Variants in CFI observed in about 807,000 individuals in gnomAD.
CFI encodes the protein C3B/C4B inactivator.
A neutral mutation model predicts 78.8 loss-of-function variants in CFI; 66 were observed. The observed-to-expected ratio is 0.84, with a 90% CI of 0.69 to 1.03. The LOEUF is 1.03. CFI is among the 50% of genes least tolerant of loss of function. CFI has a pLI of 0.00. For synonymous variants in CFI, 250 were observed against 232.6 expected, an observed-to-expected ratio of 1.07 and a Z score of -0.68; for missense variants, 706 against 704.5, an observed-to-expected ratio of 1.00 and a Z score of -0.02.
intron 6 of CFI, among the ~76,000 whole-genome samples, chr4:109,759,228 C>T (rs1212698041): frequency 6.7e-6 from 1 of 149,406 alleles, no homozygotes; most frequent in Admixed American, 6.7e-5. Context: ...TAGACGTATA[C>T]TATAGGCAAA....
At chr4:109,759,152 G>T (rs1397006270) in intron 6 of CFI, among the ~76,000 whole-genome samples, 2 of 151,776 alleles carry the variant, frequency 1.3e-5, no homozygotes, top group Non-Finnish European at 2.9e-5. Context: ...TTAAAAAAAA[G>T]TGTTCATTTG....
chr4:109,732,517 C>G, the CFI span, among the ~76,000 whole-genome samples: 1 of 152,168 alleles, frequency 6.6e-6, no homozygotes, highest in African/African-American at 2.4e-5. Flanking sequence ...ATTTGTAGGG[C>G]TCAGTGCAAA....
At chr4:109,773,882 T>C (rs1186339297) in intron 1 of CFI, among the ~76,000 whole-genome samples, 1 of 152,188 alleles carries the variant, frequency 6.6e-6, no homozygotes, top group Non-Finnish European at 1.5e-5. Context: ...CTGGGACAGA[T>C]CTTGGATTCT....
At chr4:109,760,411 T>C in intron 5 of CFI, 31 bp from the exon 6 acceptor site, 2 of 1,578,770 alleles carry the variant, frequency 1.3e-6, no homozygotes, top group Non-Finnish European at 1.7e-6. Context: ...GAGGTTTTTT[T>C]CATTCCTTAA....
intron 1 of CFI, among the ~76,000 whole-genome samples, chr4:109,771,644 G>A (rs1219454949): frequency 1.3e-5 from 2 of 149,494 alleles, no homozygotes; most frequent in African/African-American, 4.9e-5. Context: ...AACCAAGGAG[G>A]TGGAGGTTGC....
Position 109,753,163 on chromosome 4 carries a change from T to C in CFI, c.905-660A>G, listed in dbSNP as rs867071575. Among the ~76,000 whole-genome samples the C allele has an allele frequency of 4.6e-3, 91 of 19,960 alleles. 4 individuals are homozygous for C. The highest frequency in any genetic ancestry group is 0.017 in the South Asian group (3 of 174). 13.1% of individuals were successfully genotyped at this position (19,960 alleles called of 152,430 possible). A position where few individuals can be genotyped will look rare whatever the true frequency, so the allele number is the denominator to read the frequency against. On this transcript the variant is annotated intron_variant, in intron 7 of 12. Coordinates refer to ENST00000394634, the MANE Select transcript of CFI (RefSeq NM_000204.5). Reference sequence around the variant, plus strand: ...TTATAATATATATTTATTATATAAATAAATATTTATAATATATTTATTATA... The same window carrying C: ...TTATAATATATATTTATTATATAAACAAATATTTATAATATATTTATTATA...
intron 1 of CFI, among the ~76,000 whole-genome samples, chr4:109,774,065 G>C (rs1319965227): frequency 6.6e-6 from 1 of 152,178 alleles, no homozygotes. Context: ...TATTTAGAAA[G>C]TAGTAAGAAA....
At chr4:109,763,552 A>G (rs1328922620) in intron 3 of CFI, among the ~76,000 whole-genome samples, 1 of 152,130 alleles carries the variant, frequency 6.6e-6, no homozygotes, top group African/African-American at 2.4e-5. Flanking sequence ...CAGTGATTGT[A>G]ATATTGAATT....
chr4:109,767,322 A>G (rs1294617372), intron 1 of CFI, among the ~76,000 whole-genome samples: 1 of 152,138 alleles, frequency 6.6e-6, no homozygotes, highest in East Asian at 1.9e-4. Flanking sequence ...AGCAAAAGAA[A>G]CCACCATCAG....
At chr4:109,781,135 T>C (rs1198429234) in intron 1 of CFI, among the ~76,000 whole-genome samples, 1 of 152,056 alleles carries the variant, frequency 6.6e-6, no homozygotes, top group African/African-American at 2.4e-5. Context: ...AGCCTAGAAC[T>C]TAAAGTATAA....
At chr4:109,798,186 G>A (rs1386520528) in intron 1 of CFI, among the ~76,000 whole-genome samples, 3 of 152,002 alleles carry the variant, frequency 2.0e-5, no homozygotes, top group African/African-American at 7.2e-5. Flanking sequence ...TGGGTGAGGG[G>A]GAAACAGGGA....
chr4:109,799,979 T>G (rs1169621677), intron 1 of CFI, among the ~76,000 whole-genome samples: 1 of 152,232 alleles, frequency 6.6e-6, no homozygotes, highest in African/African-American at 2.4e-5. Flanking sequence ...GCTATAAACC[T>G]TTGACTGTTT....
chr4:109,738,262 GCAC>G (rs1320262551), downstream of CFI, among the ~76,000 whole-genome samples: 1 of 151,890 alleles, frequency 6.6e-6, no homozygotes, highest in African/African-American at 2.4e-5. Flanking sequence ...CTGCAGATGT[GCAC>G]CACCACTCCC....
At chr4:109,745,769 T>C (rs1724332912) in intron 11 of CFI, among the ~76,000 whole-genome samples, 1 of 152,060 alleles carries the variant, frequency 6.6e-6, no homozygotes, top group East Asian at 1.9e-4. Context: ...CTTTTTATCT[T>C]TTACCCACAT....
intron 1 of CFI, among the ~76,000 whole-genome samples, chr4:109,780,849 G>A (rs991695289): frequency 2.0e-5 from 3 of 152,118 alleles, no homozygotes; most frequent in Admixed American, 1.3e-4. Context: ...CCTTTGTAGG[G>A]ACATGGATGA....
chr4:109,760,548 G>C lies in CFI; in HGVS notation c.747C>G (p.Asp249Glu). 6.2e-7 allele frequency: 1 copy of C among 1,600,770 alleles called. No individual in the cohort carries two copies. Among genetic ancestry groups the C allele is most frequent in the Non-Finnish European group, 8.6e-7 (1 of 1,167,988 alleles). Residue 249 changes from aspartate (D) to glutamate (E), a missense_variant, in exon 5 of 13, where the codon GAC (aspartate) becomes GAG (glutamate). Asp to Glu is a conservative substitution (Grantham distance 45, BLOSUM62 2). Coordinates refer to ENST00000394634, the MANE Select transcript of CFI (RefSeq NM_000204.5). ...CTTTACAACACAGTTCATCACTTTG[G>C]TCTCCACAATCATTGATACCATCAC... ...KACDGINDCG[D>E]QSDELCCKAC...
intron 8 of CFI, among the ~76,000 whole-genome samples, chr4:109,751,310 A>G (rs1725101977): frequency 6.6e-6 from 1 of 152,062 alleles, no homozygotes; most frequent in Admixed American, 6.6e-5. Context: ...AGGAAGAGGG[A>G]TCTCATGCTC....
chr4:109,778,250 A>C (rs1237453594), intron 1 of CFI, among the ~76,000 whole-genome samples: 2 of 152,186 alleles, frequency 1.3e-5, no homozygotes, highest in Non-Finnish European at 2.9e-5. Context: ...ACTAATAAAG[A>C]AGAAAAGAGA....
chr4:109,789,996 C>T (rs746846341), intron 1 of CFI, among the ~76,000 whole-genome samples: 8 of 151,900 alleles, frequency 5.3e-5, no homozygotes, highest in Admixed American at 3.9e-4. Flanking sequence ...CTTTTACTTG[C>T]TATAGGTCTG....
Sources: gnomAD v4.1 joint callset for allele counts (sites outside exome capture counted in the v4.1 genomes callset) on GRCh38, gnomAD v4.1.1 for gene constraint, MANE v1.5 for transcripts, NCBI Gene and HGNC (gene_info 2026-07-23, HGNC 2026-07-21) for gene names.